NUBPL: variants seen among roughly 807,000 people sequenced by gnomAD.
NUBPL encodes NUBP iron-sulfur cluster assembly factor, mitochondrial, also known as iron-sulfur cluster transfer protein NUBPL.
Under a neutral mutation model 45.7 loss-of-function variants are expected in NUBPL, and 31 were observed. The ratio of observed to expected loss-of-function variants is 0.68; its 90% confidence interval spans 0.51 to 0.92. NUBPL has a LOEUF of 0.92. Among genes scored for constraint, NUBPL ranks in the 40% least tolerant of loss-of-function variants. The pLI is 0.00. For synonymous variants in NUBPL, 144 were observed against 140.9 expected (o/e 1.02, Z -0.15); for missense variants, 401 against 398.7 (o/e 1.01, Z -0.05).
intron 6 of NUBPL, among the ~76,000 whole-genome samples, chr14:31,776,668 G>C (rs994289245): frequency 4.6e-5 from 7 of 152,142 alleles, no homozygotes; most frequent in Admixed American, 3.3e-4. Context: ...CAAACTGGGG[G>C]TCCAACAGCA....
At chr14:31,615,193 C>T (rs2034866016) in intron 4 of NUBPL, among the ~76,000 whole-genome samples, 2 of 152,112 alleles carry the variant, frequency 1.3e-5, no homozygotes, top group Non-Finnish European at 2.9e-5. Flanking sequence ...CTCTCTCTCT[C>T]CTGCCACCAA....
intron 4 of NUBPL, among the ~76,000 whole-genome samples, chr14:31,606,274 T>G (rs1321680578): frequency 6.6e-6 from 1 of 151,804 alleles, no homozygotes; most frequent in Non-Finnish European, 1.5e-5. Flanking sequence ...TAATTTTTTG[T>G]AGAGCTGGGG....
In NUBPL at chr14:31,677,811, A is replaced by T. The variant is rs7158443; in HGVS notation, c.513+4237A>T. 1.1e-4 allele frequency among the ~76,000 whole-genome samples: 16 copies of T among 152,170 alleles called. No individual in the cohort carries two copies. The East Asian group carries it at 2.1e-3, about 20-fold the overall frequency. ...TGCTGTTACCACTATCCGGCTACTG[A>T]CTATGTTTGCTCAAGGCCCTGTAGC... On this transcript the variant is annotated intron_variant, in intron 6 of 10. Coordinates refer to ENST00000281081, the MANE Select transcript of NUBPL (RefSeq NM_025152.3).
intron 7 of NUBPL, among the ~76,000 whole-genome samples, chr14:31,803,974 G>T (rs2039638777): frequency 6.6e-6 from 1 of 151,922 alleles, no homozygotes; most frequent in Non-Finnish European, 1.5e-5. Flanking sequence ...GCACAGGCTG[G>T]TCTCAAACTC....
intron 4 of NUBPL, among the ~76,000 whole-genome samples, chr14:31,626,177 A>G (rs2035201740): frequency 6.6e-6 from 1 of 151,006 alleles, no homozygotes; most frequent in African/African-American, 2.4e-5. Context: ...TTATTTTTTT[A>G]TTTTGTTTTT....
At chr14:31,720,255 A>T (rs1293570606) in intron 6 of NUBPL, among the ~76,000 whole-genome samples, 2 of 152,210 alleles carry the variant, frequency 1.3e-5, no homozygotes, top group Non-Finnish European at 2.9e-5. Flanking sequence ...TCGTCATCTA[A>T]CTTGGAGTAC....
chr14:31,672,526 A>C (rs1412681065), intron 4 of NUBPL, among the ~76,000 whole-genome samples: 3 of 152,086 alleles, frequency 2.0e-5, no homozygotes, highest in Non-Finnish European at 4.4e-5. Context: ...GCAGTGGCAC[A>C]ATGTGGGCTC....
At chr14:31,848,982 A>G (rs565945947) in intron 9 of NUBPL, among the ~76,000 whole-genome samples, 1 of 152,178 alleles carries the variant, frequency 6.6e-6, no homozygotes, top group Non-Finnish European at 1.5e-5. Flanking sequence ...ACAGTTTCCT[A>G]TAGTCCGAAG....
chr14:31,718,035 A>G (rs868816774), intron 6 of NUBPL, among the ~76,000 whole-genome samples: 12 of 152,192 alleles, frequency 7.9e-5, no homozygotes, highest in Admixed American at 7.2e-4. Context: ...ATCTAAGGCA[A>G]TTTATGGGTT....
intron 4 of NUBPL, among the ~76,000 whole-genome samples, chr14:31,607,876 C>T (rs1188556478): frequency 6.6e-6 from 1 of 151,622 alleles, no homozygotes; most frequent in Non-Finnish European, 1.5e-5. Context: ...TATCAATATC[C>T]AAAAGTACAA....
At chr14:31,653,627 C>T (rs1204568057) in intron 4 of NUBPL, among the ~76,000 whole-genome samples, 1 of 152,136 alleles carries the variant, frequency 6.6e-6, no homozygotes, top group Non-Finnish European at 1.5e-5. Context: ...GCACTGATTT[C>T]GTATTGTTCA....
chr14:31,760,832 C>CTTTA (rs145333442), intron 6 of NUBPL, among the ~76,000 whole-genome samples: 31,970 of 150,790 alleles, frequency 0.21, 6,603 homozygotes, highest in African/African-American at 0.54. Flanking sequence ...TTACATTTTA[C>CTTTA]TTTATTTATT....
chr14:31,784,873 G>C (rs1191141691), intron 6 of NUBPL, among the ~76,000 whole-genome samples: 1 of 152,212 alleles, frequency 6.6e-6, no homozygotes, highest in Non-Finnish European at 1.5e-5. Flanking sequence ...CAGGGAAGGA[G>C]AGAGTTTAAT....
chr14:31,841,917 C>CTTTTGTTTTTTTTTTTGTTTTTT, intron 8 of NUBPL, among the ~76,000 whole-genome samples: 1 of 43,050 alleles, frequency 2.3e-5, no homozygotes, highest in Non-Finnish European at 4.3e-5. Context: ...CGATTCTGGG[C>CTTTTGTTTTTTTTTTTGTTTTTT]TTTTTTTTTT....
chr14:31,779,291 T>G (rs1200559171), intron 6 of NUBPL, among the ~76,000 whole-genome samples: 1 of 151,446 alleles, frequency 6.6e-6, no homozygotes, highest in Admixed American at 6.6e-5. Context: ...TGAGCCGAGA[T>G]GGCGCCATTG....
chr14:31,769,853 A>G (rs933992068), intron 6 of NUBPL, among the ~76,000 whole-genome samples: 3 of 152,150 alleles, frequency 2.0e-5, no homozygotes, highest in African/African-American at 7.2e-5. Flanking sequence ...CAGATGAGAA[A>G]ACTAGGGTCC....
At chr14:31,601,430 C>T (rs1457570153) in intron 4 of NUBPL, among the ~76,000 whole-genome samples, 9 of 152,096 alleles carry the variant, frequency 5.9e-5, no homozygotes, top group African/African-American at 1.9e-4. Flanking sequence ...TTTTATTTCA[C>T]TGAGCAGTGG....
chr14:31,575,407 G>A (rs1439930830), intron 3 of NUBPL, among the ~76,000 whole-genome samples: 2 of 152,122 alleles, frequency 1.3e-5, no homozygotes, highest in Non-Finnish European at 2.9e-5. Context: ...CAAACTCTGC[G>A]ACTTTTGCCT....
chr14:31,842,199 T>G (rs901722544), intron 8 of NUBPL, among the ~76,000 whole-genome samples: 1 of 151,922 alleles, frequency 6.6e-6, no homozygotes, highest in African/African-American at 2.4e-5. Flanking sequence ...GAGCTGGGAT[T>G]ACAAGCATAA....
Sources: allele counts gnomAD v4.1 joint callset (sites outside exome capture counted in the v4.1 genomes callset), GRCh38; gene constraint gnomAD v4.1.1; transcripts MANE v1.5; gene names NCBI Gene and HGNC (gene_info 2026-07-23, HGNC 2026-07-21).